The following LETM1 variants were observed in gnomAD, a reference collection of about 807,000 sequenced individuals.
LETM1 encodes the protein leucine zipper and EF-hand containing transmembrane protein 1, also known as mitochondrial proton/calcium exchanger protein.
A neutral mutation model predicts 74.5 loss-of-function variants in LETM1; 50 were observed. That is an observed-to-expected ratio of 0.67 (90% CI 0.53 to 0.85). LETM1 has a LOEUF of 0.85. LETM1 is among the 40% of genes least tolerant of loss of function. The pLI is 0.00. For synonymous variants in LETM1, 446 were observed against 407.1 expected, an observed-to-expected ratio of 1.10 and a Z score of -1.15; for missense variants, 824 against 967.8, an observed-to-expected ratio of 0.85 and a Z score of 1.97.
At chr4:1,815,526 C>T (rs533124236) in intron 13 of LETM1, 138 bp downstream of exon 13, 10 of 785,890 alleles carry the variant, frequency 1.3e-5, no homozygotes, top group East Asian at 1.1e-4. Context: ...AAGGAGCAGT[C>T]GCAGTGACAG....
At chr4:1,855,098 G>A (rs1294667470) in intron 1 of LETM1, among the ~76,000 whole-genome samples, 1 of 152,146 alleles carries the variant, frequency 6.6e-6, no homozygotes, top group Non-Finnish European at 1.5e-5. Flanking sequence ...GAGGCAGAAG[G>A]ATAGCTTGAG....
chr4:1,835,881 C>G (rs1332184790), intron 4 of LETM1, among the ~76,000 whole-genome samples: 1 of 152,070 alleles, frequency 6.6e-6, no homozygotes, highest in Non-Finnish European at 1.5e-5. Context: ...AGTTTGAGAC[C>G]AGCCTGGGCA....
Position 1,812,355 on chromosome 4 carries a change from ACT to A in LETM1, c.*2067_*2068del, listed in dbSNP as rs1331893912. On this transcript the variant is annotated 3_prime_UTR_variant, in exon 14 of 14. Transcript: ENST00000302787. ...ACTCCAGCCTGGGTGACAGAGCGAGACTCTGTATCAAAAAAAAAAAAAAAAAA... is the reference window on the plus strand; with the variant it reads ...ACTCCAGCCTGGGTGACAGAGCGAGACTGTATCAAAAAAAAAAAAAAAAAA... The A allele has an allele frequency of 8.7e-6, 1 of 115,122 alleles. No homozygotes were observed. The highest frequency in any genetic ancestry group is 1.7e-5 in the Non-Finnish European group (1 of 58,980). The allele number at this position is 115,122 out of a possible 1,614,324, so 7.1% of individuals were successfully genotyped here. A position where few individuals can be genotyped will look rare whatever the true frequency, so the allele number is the denominator to read the frequency against.
chr4:1,828,539 C>T (rs1166442843), intron 6 of LETM1, among the ~76,000 whole-genome samples: 2 of 84,182 alleles, frequency 2.4e-5, no homozygotes, highest in Non-Finnish European at 4.5e-5. Context: ...CCGGACGGGG[C>T]GGCTGGCCGG....
In LETM1 at chr4:1,813,878, CCT is replaced by C. The variant is rs533502665; in HGVS notation, c.*544_*545del. The C allele has an allele frequency of 3.7e-3, 581 of 159,056 alleles. 4 individuals are homozygous for C. Among genetic ancestry groups the C allele is most frequent in the African/African-American group, 0.013 (529 of 41,680 alleles). The allele number at this position is 159,056 out of a possible 1,614,324, so 9.9% of individuals were successfully genotyped here. A position where few individuals can be genotyped will look rare whatever the true frequency, so the allele number is the denominator to read the frequency against. ...CCAGAGGCCACAGAGATGGCAGACACCTCTGTCTCCACAATGACCCACATCCA... is the reference window on the plus strand; with the variant it reads ...CCAGAGGCCACAGAGATGGCAGACACCTGTCTCCACAATGACCCACATCCA... On this transcript the variant is annotated 3_prime_UTR_variant, in exon 14 of 14. Coordinates refer to ENST00000302787, the MANE Select transcript of LETM1 (RefSeq NM_012318.3).
chr4:1,828,092 G>A (rs1468268405), intron 6 of LETM1, among the ~76,000 whole-genome samples: 2 of 130,330 alleles, frequency 1.5e-5, no homozygotes, highest in African/African-American at 6.0e-5. Context: ...GGCCGGGCAG[G>A]GGGGCTGACA....
intron 1 of LETM1, among the ~76,000 whole-genome samples, chr4:1,852,788 G>A (rs1332746960): frequency 1.3e-5 from 2 of 152,100 alleles, no homozygotes; most frequent in East Asian, 3.9e-4. Context: ...TGGAGGCTGT[G>A]GTGAGCCATG....
At position 1,811,488 on chromosome 4, in the gene LETM1, C is replaced by T. The variant is rs1293405662; in HGVS notation, c.*2936G>A. ...TTATTACTCTGCACTGTTACAGGAA[C>T]ACAGATTTGATGTTTTAATAAAAAT... On this transcript the variant is annotated 3_prime_UTR_variant, in exon 14 of 14. Transcript: ENST00000302787. The T allele has an allele frequency of 6.6e-6, 1 of 152,418 alleles. No individual in the cohort carries two copies. The highest frequency in any genetic ancestry group is 2.4e-5 in the African/African-American group (1 of 41,468). 9.4% of individuals were successfully genotyped at this position (152,418 alleles called of 1,614,324 possible). A position where few individuals can be genotyped will look rare whatever the true frequency, so the allele number is the denominator to read the frequency against.
At chr4:1,826,940 T>A (rs992489778) in intron 6 of LETM1, among the ~76,000 whole-genome samples, 2 of 152,070 alleles carry the variant, frequency 1.3e-5, no homozygotes, top group African/African-American at 4.8e-5. Context: ...TGCTGAAGCT[T>A]CCCCTCCGTC....
At chr4:1,852,596 A>T (rs1171706758) in intron 1 of LETM1, among the ~76,000 whole-genome samples, 1 of 152,220 alleles carries the variant, frequency 6.6e-6, no homozygotes, top group Non-Finnish European at 1.5e-5. Flanking sequence ...GAGTCACCTC[A>T]TCAGCATAAA....
Position 1,823,005 on chromosome 4 carries a change from T to C in LETM1, c.1459A>G (p.Lys487Glu), listed in dbSNP as rs1711842193. The change falls in exon 9 of 14, where the codon AAG becomes GAG. Residue 487 changes from lysine to glutamate, a missense_variant. Around this residue, in one of 4 missense-constraint regions of LETM1, gnomAD observed 172 missense variants for 170.7 expected, o/e 1.01. Transcript: ENST00000302787. Reference protein sequence around the residue: ...QQEHREKELQKRSEVAKDFEP... With the variant: ...QQEHREKELQERSEVAKDFEP... ...CCGCTTACCGCCACCTCCGAGCGCTTCTGCAGCTCCTTCTCACGGTGCTCC... is the reference window on the plus strand; with the variant it reads ...CCGCTTACCGCCACCTCCGAGCGCTCCTGCAGCTCCTTCTCACGGTGCTCC... The C allele has an allele frequency of 6.3e-7, 1 of 1,599,500 alleles. No homozygotes were observed. The highest frequency in any genetic ancestry group is 8.5e-7 in the Non-Finnish European group (1 of 1,171,586).
chr4:1,822,882 G>A (rs986472913), intron 9 of LETM1, 106 bp downstream of exon 9: 1 of 1,098,576 alleles, frequency 9.1e-7, no homozygotes, highest in Non-Finnish European at 1.2e-6. Flanking sequence ...GCAGGACAGA[G>A]CTGCAGGGCA....
intron 2 of LETM1, 86 bp downstream of exon 2, chr4:1,849,063 A>C: frequency 1.1e-6 from 1 of 892,718 alleles, no homozygotes. Context: ...TGTTTCCCTC[A>C]AAAATCAAGA....
intron 11 of LETM1, among the ~76,000 whole-genome samples, chr4:1,819,105 C>A (rs1219607837): frequency 6.6e-6 from 1 of 150,726 alleles, no homozygotes; most frequent in Non-Finnish European, 1.5e-5. Flanking sequence ...AAAAAAGGTG[C>A]ACACACATCT....
intron 2 of LETM1, among the ~76,000 whole-genome samples, chr4:1,844,625 G>A (rs967554136): frequency 7.2e-5 from 11 of 152,030 alleles, no homozygotes; most frequent in African/African-American, 2.4e-4. Context: ...CAGTTACTTG[G>A]AGGGCTGAGG....
In LETM1 at chr4:1,824,049, G is replaced by A. The variant is rs192775552; in HGVS notation, c.1201-274C>T. 1.9e-3 allele frequency among the ~76,000 whole-genome samples: 296 copies of A among 152,314 alleles called. 1 individual carries two copies. The highest frequency in any genetic ancestry group is 3.6e-3 in the Non-Finnish European group (242 of 68,022). The stretch of plus-strand genomic sequence containing the variant: ...CTTAAAAACACCCCAGGGGCCGGGC[G>A]CGGTGGCTCACGCCTGTAATCCCAG... On this transcript the variant is annotated intron_variant, in intron 7 of 13. Coordinates refer to ENST00000302787, the MANE Select transcript of LETM1 (RefSeq NM_012318.3).
At chr4:1,831,788 C>T (rs1250525539) in intron 6 of LETM1, among the ~76,000 whole-genome samples, 1 of 152,258 alleles carries the variant, frequency 6.6e-6, no homozygotes, top group African/African-American at 2.4e-5. Context: ...GAGTTCAACA[C>T]TGCCCTGAAC....
At chr4:1,841,862 GA>G in intron 2 of LETM1, 65 bp from the exon 3 acceptor site, 2 of 1,208,326 alleles carry the variant, frequency 1.7e-6, no homozygotes, top group East Asian at 2.5e-5. Context: ...GCTCAGCACC[GA>G]ACACCAACAG....
chr4:1,841,466 C>T lies in LETM1; in HGVS notation c.475G>A (p.Asp159Asn). 2 of 1,614,252 alleles carry T rather than the reference C, an allele frequency of 1.2e-6. No individual in the cohort carries two copies. Among genetic ancestry groups the T allele is most frequent in the Non-Finnish European group, 1.7e-6 (2 of 1,180,050 alleles). ...CCATGGTAGTAGTGCTTCAGCTCGT[C>T]CAGCACCCGCTGCCCCAGGGACTTC... is the stretch of plus-strand genomic sequence containing the variant. ...VKKSLGQRVLDELKHYYHGFR... is the reference protein window; with the variant it reads ...VKKSLGQRVLNELKHYYHGFR... The change falls in exon 3 of 14, where the codon GAC (aspartate) becomes AAC (asparagine). Residue 159 changes from aspartate (D) to asparagine (N), a missense_variant. Asp to Asn is a conservative substitution (Grantham distance 23). Around this residue, in one of 4 missense-constraint regions of LETM1, gnomAD observed 269 missense variants for 348.8 expected, o/e 0.77. Transcript: ENST00000302787.
Sources: gnomAD v4.1 joint callset for allele counts (sites outside exome capture counted in the v4.1 genomes callset) on GRCh38, gnomAD v4.1.1 for gene constraint, gnomAD v4.1.1 regional missense constraint, MANE v1.5 for transcripts, NCBI Gene and HGNC (gene_info 2026-07-23, HGNC 2026-07-21) for gene names.